ATXN7L1: variants seen among roughly 807,000 people sequenced by gnomAD.
The protein encoded by ATXN7L1 is ataxin-7-like protein 1.
ATXN7L1 carries 15 observed loss-of-function variants against 70.8 expected under a neutral mutation model. The observed-to-expected ratio is 0.21, with a 90% confidence interval of 0.14 to 0.33. The LOEUF (loss-of-function observed/expected upper bound fraction) is 0.33. Among genes scored for constraint, ATXN7L1 ranks in the 10% least tolerant of loss-of-function variants. The pLI, the probability that ATXN7L1 is intolerant of heterozygous loss-of-function variation, is 1.00. For missense variants in ATXN7L1, 975 were observed against 1,097.1 expected (o/e 0.89, Z 1.57); for synonymous variants, 440 against 445.1 (o/e 0.99, Z 0.14).
rs192343633 is a variant in ATXN7L1, at chr7:105,721,973, C to A, written c.356-56685G>T. Among the ~76,000 whole-genome samples, 286 of 152,344 alleles carry A rather than the reference C, an allele frequency of 1.9e-3. 1 individual carries two copies. Among genetic ancestry groups the A allele is most frequent in the African/African-American group, 6.6e-3 (275 of 41,584 alleles). On this transcript the variant is annotated intron_variant, in intron 3 of 11. Coordinates refer to ENST00000419735, the MANE Select transcript of ATXN7L1 (RefSeq NM_020725.2). ...TTTTCTCTTGGGAGGGACTAGTGCT[C>A]TCTTTTTAAGAGGGGTGTGTGTGAG... is the stretch of plus-strand genomic sequence containing the variant.
intron 10 of ATXN7L1, among the ~76,000 whole-genome samples, chr7:105,611,156 G>A (rs182917365): frequency 6.6e-6 from 1 of 152,332 alleles, no homozygotes; most frequent in African/African-American, 2.4e-5. Context: ...TCCTTCATGT[G>A]GATGGAGGAC....
intron 2 of ATXN7L1, among the ~76,000 whole-genome samples, chr7:105,791,191 G>C (rs548030426): frequency 5.9e-5 from 9 of 152,340 alleles, no homozygotes; most frequent in Admixed American, 5.9e-4. Flanking sequence ...TCACACTGTA[G>C]GGGCCTCCCC....
intron 2 of ATXN7L1, among the ~76,000 whole-genome samples, chr7:105,874,123 C>CAAAA (rs766696244): frequency 2.8e-5 from 2 of 71,950 alleles, no homozygotes; most frequent in African/African-American, 4.5e-5. Context: ...GAATCCGTAT[C>CAAAA]AAAAAAAAAA....
intron 10 of ATXN7L1, among the ~76,000 whole-genome samples, chr7:105,612,596 C>T (rs1280234332): frequency 4.6e-5 from 7 of 152,146 alleles, no homozygotes; most frequent in Admixed American, 3.9e-4. Flanking sequence ...CAGGGAGAGC[C>T]CTGTGGGTGC....
chr7:105,610,622 G>T lies in ATXN7L1; in HGVS notation c.2473-19C>A. The T allele has an allele frequency of 2.6e-6, 4 of 1,549,024 alleles. No individual in the cohort carries two copies. The highest frequency in any genetic ancestry group is 3.5e-6 in the Non-Finnish European group (4 of 1,145,620). On this transcript the variant is annotated intron_variant, in intron 10 of 11. Transcript: ENST00000419735. ...TCCCAACCTGAAAGACACCATTGAA[G>T]CCCCACTCAGACACACGAGCCAGCC...
intron 3 of ATXN7L1, among the ~76,000 whole-genome samples, chr7:105,672,934 T>C (rs550252892): frequency 6.6e-6 from 1 of 152,352 alleles, no homozygotes; most frequent in Admixed American, 6.5e-5. Flanking sequence ...TTTGTGCATT[T>C]CCACCACAGG....
intron 4 of ATXN7L1, among the ~76,000 whole-genome samples, chr7:105,657,080 A>C (rs558694903): frequency 2.6e-5 from 4 of 152,284 alleles, no homozygotes; most frequent in East Asian, 3.9e-4. Context: ...GCCACGGTCC[A>C]GTATGGGTTG....
At chr7:105,638,672 G>T in intron 6 of ATXN7L1, 63 bp from the exon 7 acceptor site, 2 of 1,466,198 alleles carry the variant, frequency 1.4e-6, no homozygotes, top group Non-Finnish European at 1.8e-6. Flanking sequence ...GCTTCCCCAG[G>T]CCCTCCATTT....
chr7:105,693,996 G>T (rs62487041), intron 3 of ATXN7L1, among the ~76,000 whole-genome samples: 51,066 of 151,496 alleles, frequency 0.34, 9,069 homozygotes, highest in Non-Finnish European at 0.4. Context: ...GAAAGGAGGA[G>T]GGTGGAAGGG....
chr7:105,670,039 A>G (rs1185218629), intron 3 of ATXN7L1, among the ~76,000 whole-genome samples: 1 of 152,142 alleles, frequency 6.6e-6, no homozygotes, highest in African/African-American at 2.4e-5. Context: ...TGTCCCAGGT[A>G]GGGCAGAGTG....
At chr7:105,702,582 A>T (rs1792597124) in intron 3 of ATXN7L1, among the ~76,000 whole-genome samples, 1 of 152,070 alleles carries the variant, frequency 6.6e-6, no homozygotes, top group African/African-American at 2.4e-5. Flanking sequence ...ATACACACAC[A>T]CACAGGGCGA....
chr7:105,778,531 AAAAACAAAG>A (rs1803091387), intron 3 of ATXN7L1, among the ~76,000 whole-genome samples: 3 of 148,300 alleles, frequency 2.0e-5, no homozygotes, highest in African/African-American at 7.7e-5. Context: ...AAAAAAAAAA[AAAAACAAAG>A]ACTAAATAAT....
rs532350577 is a variant in ATXN7L1, at chr7:105,653,069, T to TA, written c.579-9949dup. On this transcript the variant is annotated intron_variant, in intron 4 of 11. Transcript: ENST00000419735. Reference sequence around the variant, plus strand: ...ATTCTGAATGGCATTTTTGCCATATTAAAAAAAAAAGTTTATCTTCACACT... The same window carrying TA: ...ATTCTGAATGGCATTTTTGCCATATTAAAAAAAAAAAGTTTATCTTCACACT... 3.5e-3 allele frequency among the ~76,000 whole-genome samples: 531 copies of TA among 150,374 alleles called. 3 individuals carry two copies. The highest frequency in any genetic ancestry group is 7.9e-3 in the Admixed American group (119 of 15,122).
At chr7:105,700,640 C>G (rs897315942) in intron 3 of ATXN7L1, among the ~76,000 whole-genome samples, 1 of 151,694 alleles carries the variant, frequency 6.6e-6, no homozygotes, top group Non-Finnish European at 1.5e-5. Context: ...CAGTTTGCAA[C>G]GATGTGATAC....
At chr7:105,716,869 G>T (rs1426408467) in intron 3 of ATXN7L1, among the ~76,000 whole-genome samples, 1 of 150,500 alleles carries the variant, frequency 6.6e-6, no homozygotes, top group East Asian at 2.0e-4. Flanking sequence ...AACAAATCAA[G>T]AATCTGTCTC....
rs374791479 is a variant in ATXN7L1, at chr7:105,733,067, T to C, written c.355+55537A>G. 4.6e-5 allele frequency among the ~76,000 whole-genome samples: 7 copies of C among 152,358 alleles called. No individual in the cohort carries two copies. In the South Asian group the frequency reaches 1.0e-3, roughly 23 times the overall value. ...TTTCTCAGTACTAACATATTGTCTA[T>C]TTAGTTGCTTGCTGCCTGCTGTTGC... On this transcript the variant is annotated intron_variant, in intron 3 of 11. Transcript: ENST00000419735.
chr7:105,615,302 C>T (rs1414957120), intron 9 of ATXN7L1, among the ~76,000 whole-genome samples: 1 of 152,206 alleles, frequency 6.6e-6, no homozygotes, highest in Non-Finnish European at 1.5e-5. Flanking sequence ...CTTCCCCTCT[C>T]CACCCACTCC....
At chr7:105,759,161 CTTT>C (rs10708956) in intron 3 of ATXN7L1, among the ~76,000 whole-genome samples, 38 of 136,846 alleles carry the variant, frequency 2.8e-4, no homozygotes, top group African/African-American at 3.0e-4. Flanking sequence ...TTTATTCTTA[CTTT>C]TTTTTTTTTT....
chr7:105,668,422 G>A (rs1053302243), intron 3 of ATXN7L1, among the ~76,000 whole-genome samples: 1 of 152,074 alleles, frequency 6.6e-6, no homozygotes, highest in Non-Finnish European at 1.5e-5. Context: ...TTTTGAGACA[G>A]AGTCTTGCTC....
Sources: allele counts gnomAD v4.1 joint callset (sites outside exome capture counted in the v4.1 genomes callset), GRCh38; gene constraint gnomAD v4.1.1; transcripts MANE v1.5; gene names NCBI Gene and HGNC (gene_info 2026-07-23, HGNC 2026-07-21).